Variants in HLTF observed in about 807,000 individuals in gnomAD.
HLTF encodes the protein DNA-dependent ATPase/E3 ubiquitin-protein ligase HLTF.
A neutral mutation model predicts 129.4 loss-of-function variants in HLTF; 127 were observed. The observed-to-expected ratio is 0.98, with a 90% CI of 0.85 to 1.14. The LOEUF is 1.14. Ranked by LOEUF, HLTF falls within the 50% of genes most tolerant of loss-of-function variation. The pLI, the probability that HLTF is intolerant of heterozygous loss-of-function variation, is 0.00. For synonymous variants in HLTF, 332 were observed against 388.8 expected, an observed-to-expected ratio of 0.85 and a Z score of 1.72; for missense variants, 1,139 against 1,187.1, an observed-to-expected ratio of 0.96 and a Z score of 0.60.
In HLTF at chr3:149,041,449, A is replaced by G. The variant is rs373399276; in HGVS notation, c.2376+41T>C. Reference sequence around the variant, plus strand: ...TTATTATATTAAAGACAGGTACACTACTCTATCAAACACTGAACCTGTACT... The same window carrying G: ...TTATTATATTAAAGACAGGTACACTGCTCTATCAAACACTGAACCTGTACT... On this transcript the variant is annotated intron_variant, in intron 20 of 24. Transcript: ENST00000310053. 35 of 1,408,856 alleles carry G rather than the reference A, an allele frequency of 2.5e-5. No individual in the cohort carries two copies. In the African/African-American group the frequency reaches 4.3e-4, roughly 17 times the overall value. 87.3% of individuals were successfully genotyped at this position (1,408,856 alleles called of 1,614,324 possible).
Position 149,068,264 on chromosome 3 carries a change from T to C in HLTF, c.966A>G (p.Arg322=). Residue 322 remains arginine (R), a synonymous_variant, in exon 8 of 25, where the codon AGA becomes AGG. Transcript: ENST00000310053. Reference sequence around the variant, plus strand: ...CCTTCTTCAGTAGATTCTTTTTAACTCTTTCAATAGGAAGAGGTCTGCCAT... The same window carrying C: ...CCTTCTTCAGTAGATTCTTTTTAACCCTTTCAATAGGAAGAGGTCTGCCAT... ...FHDGRPLPIE[R]VKKNLLKKEY... The C allele has an allele frequency of 6.4e-7, 1 of 1,551,906 alleles. No homozygotes were observed. The highest frequency in any genetic ancestry group is 8.9e-7 in the Non-Finnish European group (1 of 1,129,302).
chr3:149,059,639 TTA>T, intron 13 of HLTF, 77 bp downstream of exon 13: 1 of 830,218 alleles, frequency 1.2e-6, no homozygotes, highest in South Asian at 1.6e-5. Flanking sequence ...TAATATGGTT[TTA>T]TAACTTAAAA....
At chr3:149,063,167 C>A (rs1281604533) in intron 10 of HLTF, 1 of 462,258 alleles carries the variant, frequency 2.2e-6, no homozygotes, top group Non-Finnish European at 4.2e-6. Flanking sequence ...TCACGCCATT[C>A]TCCTGCCTCA....
Position 149,030,329 on chromosome 3 carries a change from T to G in HLTF, c.*1891A>C, listed in dbSNP as rs543313484. On this transcript the variant is annotated 3_prime_UTR_variant, in exon 25 of 25. Coordinates refer to ENST00000310053, the MANE Select transcript of HLTF (RefSeq NM_003071.4). The stretch of plus-strand genomic sequence containing the variant: ...TTTATCCTTCTTAGGAAGGACAAAT[T>G]AAATTTTTTAAATTAAACTTTTAAA... The G allele has an allele frequency of 6.6e-6, 1 of 152,306 alleles. No individual in the cohort carries two copies. The highest frequency in any genetic ancestry group is 2.1e-4 in the South Asian group (1 of 4,828). The allele number at this position is 152,306 out of a possible 1,614,324, so 9.4% of individuals were successfully genotyped here. A position where few individuals can be genotyped will look rare whatever the true frequency, so the allele number is the denominator to read the frequency against.
At chr3:149,044,692 T>G (rs1313586826) in intron 18 of HLTF, among the ~76,000 whole-genome samples, 1 of 152,158 alleles carries the variant, frequency 6.6e-6, no homozygotes, top group Non-Finnish European at 1.5e-5. Context: ...ATCTCTGCTC[T>G]TCCCATAGAC....
intron 16 of HLTF, among the ~76,000 whole-genome samples, chr3:149,048,568 T>C (rs1162812288): frequency 6.6e-6 from 1 of 152,184 alleles, no homozygotes; most frequent in Admixed American, 6.5e-5. Flanking sequence ...GAAACAGAAA[T>C]CAAGATTATG....
chr3:149,043,215 C>G (rs1716273898), intron 18 of HLTF, among the ~76,000 whole-genome samples: 3 of 151,166 alleles, frequency 2.0e-5, no homozygotes, highest in Admixed American at 2.0e-4. Context: ...AGTGAATCAT[C>G]AGAGAAATGA....
At chr3:149,049,081 T>C (rs1354145310) in intron 15 of HLTF, 80 bp from the exon 16 acceptor site, 1 of 930,294 alleles carries the variant, frequency 1.1e-6, no homozygotes. Flanking sequence ...CTAGTTGTTA[T>C]CATTATTTAA....
At chr3:149,059,930 T>G in intron 12 of HLTF, 123 bp from the exon 13 acceptor site, 1 of 636,512 alleles carries the variant, frequency 1.6e-6, no homozygotes. Context: ...GCTTATATTA[T>G]TAAGTTAAAA....
In HLTF at chr3:149,032,131, T is replaced by C; in HGVS notation, c.*89A>G. The C allele has an allele frequency of 1.0e-6, 1 of 983,016 alleles. No individual in the cohort carries two copies. The highest frequency in any genetic ancestry group is 1.5e-6 in the Non-Finnish European group (1 of 688,178). The allele number at this position is 983,016 out of a possible 1,614,324, so 60.9% of individuals were successfully genotyped here. On this transcript the variant is annotated 3_prime_UTR_variant, in exon 25 of 25. Coordinates refer to ENST00000310053, the MANE Select transcript of HLTF (RefSeq NM_003071.4). ...AATATGCCCCTTTTAGAAGACGTGT[T>C]CTCTAGATCTCATTTCTAAAACTCT...
At chr3:149,078,942 G>T (rs1188552684) in intron 2 of HLTF, among the ~76,000 whole-genome samples, 1 of 151,972 alleles carries the variant, frequency 6.6e-6, no homozygotes, top group Non-Finnish European at 1.5e-5. Flanking sequence ...TGGAGACGAT[G>T]TCTCACCAAA....
Position 149,050,197 on chromosome 3 carries a change from C to T in HLTF, c.1617+35G>A, listed in dbSNP as rs562394189. ...CTGTGGCATATTTCTTACATTCAAT[C>T]TTTAAAAGATCTGTTAAGTATCAAC... On this transcript the variant is annotated intron_variant, in intron 15 of 24. Coordinates refer to ENST00000310053, the MANE Select transcript of HLTF (RefSeq NM_003071.4). 21 of 1,374,952 alleles carry T rather than the reference C, an allele frequency of 1.5e-5. No individual in the cohort carries two copies. In the East Asian group the frequency reaches 4.9e-4, roughly 32 times the overall value. 85.2% of individuals were successfully genotyped at this position (1,374,952 alleles called of 1,614,324 possible). A position where few individuals can be genotyped will look rare whatever the true frequency, so the allele number is the denominator to read the frequency against.
intron 23 of HLTF, among the ~76,000 whole-genome samples, chr3:149,036,366 G>A (rs1715632370): frequency 7.6e-6 from 1 of 131,468 alleles, no homozygotes; most frequent in South Asian, 2.4e-4. Flanking sequence ...TCAGCTCAGT[G>A]CAACCTCCAC....
intron 19 of HLTF, 36 bp downstream of exon 19, chr3:149,042,130 C>T: frequency 6.3e-7 from 1 of 1,586,710 alleles, no homozygotes; most frequent in Non-Finnish European, 8.6e-7. Context: ...GTATCTCTGA[C>T]AAATACAATG....
chr3:149,046,297 T>G, intron 17 of HLTF, 38 bp from the exon 18 acceptor site: 1 of 1,144,818 alleles, frequency 8.7e-7, no homozygotes, highest in South Asian at 1.5e-5. Flanking sequence ...TAACTTTTAA[T>G]TTCTACATAA....
At chr3:149,057,071 C>T (rs1308482142) in intron 13 of HLTF, among the ~76,000 whole-genome samples, 2 of 125,326 alleles carry the variant, frequency 1.6e-5, no homozygotes, top group African/African-American at 3.1e-5. Context: ...GATTGCGCCA[C>T]TGCACTCCAG....
At chr3:149,057,003 G>A (rs1717498237) in intron 13 of HLTF, among the ~76,000 whole-genome samples, 1 of 151,032 alleles carries the variant, frequency 6.6e-6, no homozygotes, top group South Asian at 2.1e-4. Context: ...CAGCTACTCG[G>A]GAGGCTGAGG....
At position 149,048,867 on chromosome 3, in the gene HLTF, C is replaced by T. The variant is rs1716759112; in HGVS notation, c.1752G>A (p.Leu584=). The T allele has an allele frequency of 1.2e-6, 2 of 1,612,372 alleles. No individual in the cohort carries two copies. Among genetic ancestry groups the T allele is most frequent in the Admixed American group, 1.7e-5 (1 of 59,948 alleles). The part of the protein sequence containing the change: ...LDLESERRWV[L]TGTPIQNSLK... The stretch of plus-strand genomic sequence containing the variant: ...TAAGTTTAATGCTATGATTACCTGT[C>T]AAAACCCATCTTCTTTCTGATTCTA... Residue 584 remains leucine (L), a synonymous_variant, in exon 16 of 25, where the codon TTG becomes TTA. Coordinates refer to ENST00000310053, the MANE Select transcript of HLTF (RefSeq NM_003071.4).
At chr3:149,072,523 T>A (rs982226945) in intron 5 of HLTF, among the ~76,000 whole-genome samples, 1 of 152,204 alleles carries the variant, frequency 6.6e-6, no homozygotes, top group Non-Finnish European at 1.5e-5. Context: ...TAGTCCAATT[T>A]TATATCAACA....
Sources: gnomAD v4.1 joint callset for allele counts (sites outside exome capture counted in the v4.1 genomes callset) on GRCh38, gnomAD v4.1.1 for gene constraint, MANE v1.5 for transcripts, NCBI Gene and HGNC (gene_info 2026-07-23, HGNC 2026-07-21) for gene names.